The following GAS7 variants were observed in gnomAD, a reference collection of about 807,000 sequenced individuals.
GAS7 encodes the protein growth arrest-specific protein 7.
Under a neutral mutation model 71.1 loss-of-function variants are expected in GAS7, and 28 were observed. The ratio of observed to expected loss-of-function variants is 0.39; its 90% CI spans 0.29 to 0.54. GAS7 has a LOEUF of 0.54. Ranked by LOEUF, GAS7 falls within the 20% of genes least tolerant of loss-of-function variation. The pLI, the probability that GAS7 is intolerant of heterozygous loss-of-function variation, is 0.62. For missense variants in GAS7, 436 were observed against 627.8 expected (o/e 0.69, Z 3.27); for synonymous variants, 258 against 245.8 (o/e 1.05, Z -0.46).
At chr17:9,935,972 C>T (rs1049357671) in intron 8 of GAS7, among the ~76,000 whole-genome samples, 2 of 152,166 alleles carry the variant, frequency 1.3e-5, no homozygotes, top group African/African-American at 4.8e-5. Flanking sequence ...CACAGATCAG[C>T]GGAACAGAAC....
rs16959137 is a variant in GAS7, at chr17:9,973,163, G to C, written c.386-3401C>G. ...GTGCATCACAACAATAAAAACAGCAGATAAGCCAGGGTAATTTGAGAGGGA... is the reference window on the plus strand; with the variant it reads ...GTGCATCACAACAATAAAAACAGCACATAAGCCAGGGTAATTTGAGAGGGA... On this transcript the variant is annotated intron_variant, in intron 3 of 13. Coordinates refer to ENST00000432992, the MANE Select transcript of GAS7 (RefSeq NM_201433.2). Among the ~76,000 whole-genome samples, 981 of 152,240 alleles carry C rather than the reference G, an allele frequency of 6.4e-3. 7 individuals are homozygous for C. Among genetic ancestry groups the C allele is most frequent in the African/African-American group, 0.022 (930 of 41,532 alleles).
chr17:10,069,564 C>A (rs1403498580), intron 1 of GAS7, among the ~76,000 whole-genome samples: 2 of 152,258 alleles, frequency 1.3e-5, no homozygotes, highest in African/African-American at 4.8e-5. Flanking sequence ...ATGGAGTCAA[C>A]TATGCCTTAG....
At chr17:10,181,654 T>C (rs547538038) in intron 1 of GAS7, among the ~76,000 whole-genome samples, 2 of 152,154 alleles carry the variant, frequency 1.3e-5, no homozygotes, top group African/African-American at 4.8e-5. Context: ...TGGTATATTG[T>C]AAAGGCAATG....
chr17:10,176,206 C>T (rs2074373304), intron 1 of GAS7, among the ~76,000 whole-genome samples: 2 of 150,302 alleles, frequency 1.3e-5, no homozygotes, highest in Admixed American at 6.6e-5. Flanking sequence ...CTTTCCTAAT[C>T]GGATAGCAGG....
intron 1 of GAS7, among the ~76,000 whole-genome samples, chr17:10,105,980 A>C (rs4791927): frequency 3.3e-5 from 5 of 151,936 alleles, no homozygotes; most frequent in Non-Finnish European, 7.4e-5. Flanking sequence ...CCTTCTCATC[A>C]TTATCCCTGC....
chr17:10,114,675 G>A (rs1019655185), intron 1 of GAS7: 1 of 143,458 alleles, frequency 7.0e-6, no homozygotes, highest in African/African-American at 2.6e-5. Context: ...TAATATTATT[G>A]TTCTAAAGAG....
chr17:10,015,268 TC>T (rs1296207483), intron 2 of GAS7, among the ~76,000 whole-genome samples: 1 of 152,112 alleles, frequency 6.6e-6, no homozygotes, highest in East Asian at 1.9e-4. Flanking sequence ...ACACCTATTA[TC>T]CCCAGGCACC....
chr17:10,049,865 C>CT (rs1341909458), intron 1 of GAS7, among the ~76,000 whole-genome samples: 3 of 151,974 alleles, frequency 2.0e-5, no homozygotes, highest in Admixed American at 6.5e-5. Context: ...TGTGATCCAC[C>CT]CACCTTGGCG....
intron 1 of GAS7, among the ~76,000 whole-genome samples, chr17:10,137,164 C>T (rs11871941): frequency 0.21 from 32,582 of 151,874 alleles, 3,660 homozygotes; most frequent in Middle Eastern, 0.28. Context: ...CCTCTCCTAC[C>T]TGCTCACCCA....
At chr17:10,004,059 C>T (rs2071375159) in intron 2 of GAS7, among the ~76,000 whole-genome samples, 2 of 152,186 alleles carry the variant, frequency 1.3e-5, no homozygotes. Context: ...AACTCACAGC[C>T]TCGTAGGGTG....
chr17:10,090,567 C>T lies in GAS7; in HGVS notation c.184-70670G>A, dbSNP rs116846733. On this transcript the variant is annotated intron_variant, in intron 1 of 13. Coordinates refer to ENST00000432992, the MANE Select transcript of GAS7 (RefSeq NM_201433.2). ...CTTTAAAATCCTGAACTCTTTCAAA[C>T]TCCATCATGCTAGCCCTCTCTGCAG... Among the ~76,000 whole-genome samples the T allele has an allele frequency of 8.1e-3, 1,235 of 152,312 alleles. 11 individuals are homozygous for T. The highest frequency in any genetic ancestry group is 0.012 in the Non-Finnish European group (785 of 68,010).
At chr17:9,947,824 G>T (rs1394251172) in intron 5 of GAS7, among the ~76,000 whole-genome samples, 1 of 124,776 alleles carries the variant, frequency 8.0e-6, no homozygotes, top group Non-Finnish European at 1.6e-5. Context: ...GTTAGGTGAA[G>T]GTTAAAAACA....
At chr17:10,140,620 G>A (rs2074072586) in intron 1 of GAS7, among the ~76,000 whole-genome samples, 1 of 152,124 alleles carries the variant, frequency 6.6e-6, no homozygotes, top group Admixed American at 6.6e-5. Context: ...TTATGTACAT[G>A]AATATGCCTA....
chr17:9,925,645 A>G, intron 10 of GAS7, 46 bp from the exon 11 acceptor site: 1 of 1,611,826 alleles, frequency 6.2e-7, no homozygotes, highest in Admixed American at 1.7e-5. Context: ...GCTCGGAGCC[A>G]GTGGGCCTCC....
In GAS7 at chr17:9,989,928, G is replaced by A. The variant is rs117334880; in HGVS notation, c.305-8044C>T. ...GCTTGGGGTCAGGAAGTCAGTGGGT[G>A]CTGCCTCATTTGAAGGCTTGACTGG... On this transcript the variant is annotated intron_variant, in intron 2 of 13. Coordinates refer to ENST00000432992, the MANE Select transcript of GAS7 (RefSeq NM_201433.2). 5.7e-3 allele frequency among the ~76,000 whole-genome samples: 866 copies of A among 152,366 alleles called. 16 individuals carry two copies. Among genetic ancestry groups the A allele is most frequent in the East Asian group, 0.045 (231 of 5,186 alleles).
intron 1 of GAS7, among the ~76,000 whole-genome samples, chr17:10,177,608 T>A (rs2074382846): frequency 6.6e-6 from 1 of 152,108 alleles, no homozygotes. Flanking sequence ...GTATAGCCTC[T>A]AAGCATGACT....
At chr17:10,104,750 C>G (rs1480307964) in intron 1 of GAS7, among the ~76,000 whole-genome samples, 1 of 152,316 alleles carries the variant, frequency 6.6e-6, no homozygotes, top group East Asian at 1.9e-4. Context: ...TTCCTCTCAC[C>G]TATCAGTTCT....
intron 2 of GAS7, among the ~76,000 whole-genome samples, chr17:10,004,403 C>T (rs1298133032): frequency 6.6e-6 from 1 of 152,108 alleles, no homozygotes; most frequent in African/African-American, 2.4e-5. Context: ...GGGACCTAAC[C>T]CTTTAAAAGC....
At chr17:9,947,088 A>G in intron 5 of GAS7, 105 bp from the exon 6 acceptor site, 2 of 704,410 alleles carry the variant, frequency 2.8e-6, no homozygotes, top group South Asian at 3.3e-5. Context: ...CCCTATTGAC[A>G]GAACACGCAC....
Sources: allele counts gnomAD v4.1 joint callset (sites outside exome capture counted in the v4.1 genomes callset), GRCh38; gene constraint gnomAD v4.1.1; transcripts MANE v1.5; gene names NCBI Gene and HGNC (gene_info 2026-07-23, HGNC 2026-07-21).